ZZEF1: variants seen among roughly 807,000 people sequenced by gnomAD.
ZZEF1 encodes zinc finger ZZ-type and EF-hand domain containing 1, also known as zinc finger ZZ-type and EF-hand domain-containing protein 1.
ZZEF1 carries 157 observed loss-of-function variants against 342.8 expected under a neutral mutation model. That is an observed-to-expected ratio of 0.46 (90% CI 0.40 to 0.52). The LOEUF (loss-of-function observed/expected upper bound fraction) is 0.52. ZZEF1 is among the 20% of genes least tolerant of loss of function. The pLI is 0.00. For missense variants in ZZEF1, 3,480 were observed against 3,725.6 expected, an observed-to-expected ratio of 0.93 and a Z score of 1.72; for synonymous variants, 1,505 against 1,429.1, an observed-to-expected ratio of 1.05 and a Z score of -1.20.
intron 32 of ZZEF1, 131 bp from the exon 33 acceptor site, chr17:4,056,476 T>A: frequency 2.1e-6 from 2 of 947,272 alleles, no homozygotes; most frequent in Non-Finnish European, 2.8e-6. Context: ...AAAGGTCAAC[T>A]GCTTTTCAAA....
chr17:4,089,164 T>G (rs2057897232), intron 12 of ZZEF1, among the ~76,000 whole-genome samples: 1 of 152,126 alleles, frequency 6.6e-6, no homozygotes, highest in African/African-American at 2.4e-5. Context: ...AAAACCAGAA[T>G]AGAGGATGAA....
At position 4,010,241 on chromosome 17, in the gene ZZEF1, C is replaced by G. The variant is rs553841336; in HGVS notation, c.8580-484G>C. Among the ~76,000 whole-genome samples the G allele has an allele frequency of 2.9e-4, 44 of 152,076 alleles. No individual in the cohort carries two copies. In the South Asian group the frequency reaches 6.6e-3, roughly 23 times the overall value. On this transcript the variant is annotated intron_variant, in intron 52 of 54. Coordinates refer to ENST00000381638, the MANE Select transcript of ZZEF1 (RefSeq NM_015113.4). ...CCTAGCTGTGTGTGACAGCACCCAG[C>G]TACTCGAGAGGCTGAGGTGGGAGGA... is the stretch of plus-strand genomic sequence containing the variant.
chr17:4,041,141 C>T (rs184336010), intron 39 of ZZEF1, among the ~76,000 whole-genome samples: 1 of 152,258 alleles, frequency 6.6e-6, no homozygotes, highest in African/African-American at 2.4e-5. Flanking sequence ...AGGTGAATTA[C>T]CAGCTACCTA....
intron 42 of ZZEF1, among the ~76,000 whole-genome samples, chr17:4,031,900 C>A (rs1159706725): frequency 6.6e-6 from 1 of 151,980 alleles, no homozygotes; most frequent in East Asian, 1.9e-4. Context: ...AACCAAAAAA[C>A]ACAGAGCCAT....
chr17:4,017,082 G>C lies in ZZEF1; in HGVS notation c.8001+289C>G. On this transcript the variant is annotated intron_variant, in intron 48 of 54. Coordinates refer to ENST00000381638, the MANE Select transcript of ZZEF1 (RefSeq NM_015113.4). This position sits in a 1 kb window ranked among gnomAD's most constrained non-coding sequence, Gnocchi z 5.1. Reference sequence around the variant, plus strand: ...GTGTGTGAAGGTGGGTGAGGGACAGGATCAAAAAGGAGCTACCGAATGTGC... The same window carrying C: ...GTGTGTGAAGGTGGGTGAGGGACAGCATCAAAAAGGAGCTACCGAATGTGC... 2.6e-6 allele frequency: 1 copy of C among 388,826 alleles called. No individual in the cohort carries two copies. Among genetic ancestry groups the C allele is most frequent in the Non-Finnish European group, 4.8e-6 (1 of 209,734 alleles). The allele number at this position is 388,826 out of a possible 1,614,324, so 24.1% of individuals were successfully genotyped here.
At chr17:4,080,549 A>G (rs2057704062) in intron 18 of ZZEF1, among the ~76,000 whole-genome samples, 2 of 152,206 alleles carry the variant, frequency 1.3e-5, no homozygotes, top group South Asian at 4.1e-4. Context: ...TTAATTAAAA[A>G]TTAAATTAGC....
rs752667311 is a variant in ZZEF1, at chr17:4,109,631, G to T, written c.1277+22C>A. ...GAATGAGGGCATGTTGAGGGGGCTG[G>T]AACATAGAGAGAATGACTTACTGAG... is the stretch of plus-strand genomic sequence containing the variant. On this transcript the variant is annotated intron_variant, in intron 6 of 54. Coordinates refer to ENST00000381638, the MANE Select transcript of ZZEF1 (RefSeq NM_015113.4). The T allele has an allele frequency of 3.1e-6, 5 of 1,612,534 alleles. No homozygotes were observed. The South Asian group carries it at 5.5e-5, about 18-fold the overall frequency.
At chr17:4,007,763 T>C (rs1216431906) in intron 54 of ZZEF1, among the ~76,000 whole-genome samples, 1 of 152,126 alleles carries the variant, frequency 6.6e-6, no homozygotes, top group East Asian at 1.9e-4. Context: ...GCTGGGGGCA[T>C]TTCCACTTCC....
At chr17:4,057,170 T>A (rs994154543) in intron 32 of ZZEF1, among the ~76,000 whole-genome samples, 22 of 152,334 alleles carry the variant, frequency 1.4e-4, no homozygotes, top group African/African-American at 4.8e-4. Context: ...GACTGTGGCG[T>A]GCGGGGAGAC....
rs1296525829 is a variant in ZZEF1, at chr17:4,076,548, C to A, written c.3234+89G>T. On this transcript the variant is annotated intron_variant, in intron 21 of 54. Transcript: ENST00000381638. ...CCTTCTAGAGGCTGCTCAGCTGTGC[C>A]TATCTGCAGTCCGTGGTCCACTTCA... is the stretch of plus-strand genomic sequence containing the variant. 2.0e-6 allele frequency: 3 copies of A among 1,508,080 alleles called. No individual in the cohort carries two copies. In the African/African-American group the frequency reaches 4.1e-5, roughly 21 times the overall value. The allele number at this position is 1,508,080 out of a possible 1,614,324, so 93.4% of individuals were successfully genotyped here.
chr17:4,137,392 C>T (rs1177705074), intron 1 of ZZEF1, among the ~76,000 whole-genome samples: 4 of 152,294 alleles, frequency 2.6e-5, no homozygotes, highest in Non-Finnish European at 4.4e-5. Flanking sequence ...GGGCGGATCA[C>T]AAGGTCAGGA....
intron 51 of ZZEF1, 75 bp from the exon 52 acceptor site, chr17:4,013,689 A>G: frequency 5.7e-6 from 8 of 1,398,638 alleles, no homozygotes; most frequent in Non-Finnish European, 7.6e-6. Context: ...ATAAAGTATA[A>G]CAATTGTGTA....
intron 39 of ZZEF1, among the ~76,000 whole-genome samples, chr17:4,041,549 G>C (rs969868319): frequency 6.6e-6 from 1 of 152,210 alleles, no homozygotes; most frequent in Middle Eastern, 3.4e-3. Flanking sequence ...CTTTGTCTCT[G>C]ATTCCTCTCT....
chr17:4,037,320 C>T (rs781225710), intron 39 of ZZEF1, among the ~76,000 whole-genome samples: 1 of 152,188 alleles, frequency 6.6e-6, no homozygotes, highest in East Asian at 1.9e-4. Flanking sequence ...TAATGAAATA[C>T]GTCAAAACTG....
Position 4,006,873 on chromosome 17 carries a change from G to A in ZZEF1, c.*17C>T. 6.4e-7 allele frequency: 1 copy of A among 1,570,684 alleles called. No homozygotes were observed. The highest frequency in any genetic ancestry group is 1.3e-5 in the African/African-American group (1 of 74,220). ...CCTGTGGCAGATGAACTAGTCCCAT[G>A]CACGCCCCACCAAGGGCTAACACTC... On this transcript the variant is annotated 3_prime_UTR_variant, in exon 55 of 55. Transcript: ENST00000381638.
In ZZEF1 at chr17:4,095,956, G is replaced by A; in HGVS notation, c.1788C>T (p.Ala596=). The change falls in exon 11 of 55, where the codon GCC becomes GCT. Residue 596 remains alanine (A), a synonymous_variant. Coordinates refer to ENST00000381638, the MANE Select transcript of ZZEF1 (RefSeq NM_015113.4). ...TATAGGCAAACACCAACCCACACTG[G>A]GCACCAATGCCACCACGTCGAACCT... The part of the protein sequence containing the change: ...RIMVRRGGIG[A]QCGLVFAYNS... 2 of 1,610,638 alleles carry A rather than the reference G, an allele frequency of 1.2e-6. No individual in the cohort carries two copies. Among genetic ancestry groups the A allele is most frequent in the Non-Finnish European group, 1.7e-6 (2 of 1,177,872 alleles).
At chr17:4,122,331 A>G (rs564064730) in intron 2 of ZZEF1, among the ~76,000 whole-genome samples, 2 of 152,258 alleles carry the variant, frequency 1.3e-5, no homozygotes, top group South Asian at 4.1e-4. Flanking sequence ...CTTTACGTGT[A>G]AGTCTGAGCT....
rs2056120929 is a variant in ZZEF1 at position 4,016,993 on chromosome 17, G to T, written c.8001+378C>A. 4.7e-6 allele frequency: 1 copy of T among 212,450 alleles called. No individual in the cohort carries two copies. The highest frequency in any genetic ancestry group is 2.3e-5 in the African/African-American group (1 of 43,524). 13.2% of individuals were successfully genotyped at this position (212,450 alleles called of 1,614,324 possible). On this transcript the variant is annotated intron_variant, in intron 48 of 54. Transcript: ENST00000381638. The surrounding 1 kb of genome is among the most constrained non-coding windows in gnomAD (Gnocchi z 4.4). ...CGGGAAAAGACCTCGAGGTCTGGTG[G>T]TGTTCTCAGATGGACAAAGCAAGGC... is the stretch of plus-strand genomic sequence containing the variant.
intron 16 of ZZEF1, among the ~76,000 whole-genome samples, chr17:4,083,742 A>G (rs2057768370): frequency 6.6e-6 from 1 of 151,056 alleles, no homozygotes; most frequent in South Asian, 2.1e-4. Context: ...GGTTCAAGCA[A>G]TTCTCCTGCT....
Sources: gnomAD v4.1 joint callset for allele counts (sites outside exome capture counted in the v4.1 genomes callset) on GRCh38, gnomAD v4.1.1 for gene constraint, Gnocchi (gnomAD v3.1) non-coding constraint, MANE v1.5 for transcripts, NCBI Gene and HGNC (gene_info 2026-07-23, HGNC 2026-07-21) for gene names.